Variants in PRKG1 observed in about 807,000 individuals in gnomAD.
PRKG1 encodes the protein protein kinase cGMP-dependent 1, also known as cGMP-dependent protein kinase 1.
PRKG1 carries 35 observed loss-of-function variants against 88.1 expected under a neutral mutation model. The ratio of observed to expected loss-of-function variants is 0.40; its 90% CI spans 0.30 to 0.53. PRKG1 has a LOEUF of 0.53. Among genes scored for constraint, PRKG1 ranks in the 20% least tolerant of loss-of-function variants. The pLI is 0.59. For missense variants in PRKG1, 540 were observed against 839.8 expected, an observed-to-expected ratio of 0.64 and a Z score of 4.41; for synonymous variants, 303 against 292.5, an observed-to-expected ratio of 1.04 and a Z score of -0.37.
At chr10:51,932,123 C>T (rs892099058) in intron 5 of PRKG1, among the ~76,000 whole-genome samples, 1 of 151,016 alleles carries the variant, frequency 6.6e-6, no homozygotes, top group African/African-American at 2.4e-5. Context: ...AAATATTCTG[C>T]TTTATTCCTT....
chr10:51,512,745 T>C (rs1414947725), intron 3 of PRKG1, among the ~76,000 whole-genome samples: 8 of 58,322 alleles, frequency 1.4e-4, no homozygotes, highest in Non-Finnish European at 2.0e-4. Flanking sequence ...GTATTTCTAG[T>C]TCTAGATCCC....
chr10:51,087,429 A>G (rs1051132936), intron 1 of PRKG1, among the ~76,000 whole-genome samples: 5 of 152,202 alleles, frequency 3.3e-5, no homozygotes, highest in African/African-American at 9.6e-5. Context: ...CCAGTTTTTC[A>G]TATGGAGAAA....
intron 3 of PRKG1, among the ~76,000 whole-genome samples, chr10:51,687,476 T>C (rs779786819): frequency 5.9e-5 from 9 of 152,222 alleles, no homozygotes; most frequent in Non-Finnish European, 1.2e-4. Context: ...AAATTTCTTC[T>C]AGAAATCTTG....
chr10:51,120,237 G>T (rs758840308), intron 1 of PRKG1, among the ~76,000 whole-genome samples: 17 of 152,116 alleles, frequency 1.1e-4, no homozygotes, highest in Non-Finnish European at 2.2e-4. Context: ...CAATTTTAAT[G>T]GAGAAAATTA....
intron 3 of PRKG1, among the ~76,000 whole-genome samples, chr10:51,740,346 G>A (rs1395419826): frequency 6.6e-6 from 1 of 152,156 alleles, no homozygotes; most frequent in Admixed American, 6.6e-5. Flanking sequence ...AGCTTTTAAT[G>A]TGGGTTATAG....
At chr10:51,251,224 G>T (rs983484052) in intron 2 of PRKG1, among the ~76,000 whole-genome samples, 4 of 151,638 alleles carry the variant, frequency 2.6e-5, no homozygotes, top group African/African-American at 7.3e-5. Flanking sequence ...GGCAGACCAG[G>T]CACCTGTTTC....
intron 3 of PRKG1, among the ~76,000 whole-genome samples, chr10:51,675,124 T>C (rs1248548372): frequency 6.6e-6 from 1 of 152,212 alleles, no homozygotes; most frequent in Non-Finnish European, 1.5e-5. Context: ...GGTTACTTTA[T>C]AGCTGTAATC....
At chr10:51,411,422 TAAAAG>T (rs1279204160) in intron 2 of PRKG1, among the ~76,000 whole-genome samples, 4 of 152,196 alleles carry the variant, frequency 2.6e-5, no homozygotes, top group Non-Finnish European at 5.9e-5. Context: ...TACAGGAAGT[TAAAAG>T]AAAAGTTACA....
At chr10:51,454,921 C>T (rs1332436212) in intron 2 of PRKG1, among the ~76,000 whole-genome samples, 1 of 152,202 alleles carries the variant, frequency 6.6e-6, no homozygotes, top group Non-Finnish European at 1.5e-5. Flanking sequence ...ATTTCAAAAC[C>T]AGTCATGCCT....
chr10:51,737,705 T>TTTTATTTA (rs1009213697), intron 3 of PRKG1, among the ~76,000 whole-genome samples: 17 of 144,888 alleles, frequency 1.2e-4, no homozygotes, highest in South Asian at 8.9e-4. Context: ...GACTCTATAT[T>TTTTATTTA]TTTATTTATT....
At chr10:51,265,320 G>C (rs1205309766) in intron 2 of PRKG1, among the ~76,000 whole-genome samples, 1 of 152,094 alleles carries the variant, frequency 6.6e-6, no homozygotes, top group Non-Finnish European at 1.5e-5. Context: ...GCCAGATAAA[G>C]GGTTGGATGC....
chr10:51,892,488 C>T (rs2132910295), intron 4 of PRKG1, among the ~76,000 whole-genome samples: 1 of 152,204 alleles, frequency 6.6e-6, no homozygotes, highest in South Asian at 2.1e-4. Flanking sequence ...AGATGGCTTC[C>T]CATCATAGGA....
chr10:51,362,405 C>CT lies in PRKG1; in HGVS notation c.479-105309dup, dbSNP rs542332844. Among the ~76,000 whole-genome samples the CT allele has an allele frequency of 4.5e-3, 672 of 150,350 alleles. 23 individuals are homozygous for CT. The highest frequency in any genetic ancestry group is 0.037 in the Admixed American group (554 of 15,080). ...CTTTTTAAACTTTTATGTGAGTCTT[C>CT]TTTTTTTTTGGATAGTAAATGTAAA... On this transcript the variant is annotated intron_variant, in intron 2 of 17. Transcript: ENST00000373980.
chr10:51,098,048 C>T (rs1486776743), intron 1 of PRKG1, among the ~76,000 whole-genome samples: 6 of 152,106 alleles, frequency 3.9e-5, no homozygotes, highest in African/African-American at 1.4e-4. Context: ...CCCCTTAGCT[C>T]CTATGTGAGC....
chr10:51,658,573 G>A (rs1321884564), intron 3 of PRKG1, among the ~76,000 whole-genome samples: 1 of 148,432 alleles, frequency 6.7e-6, no homozygotes, highest in African/African-American at 2.5e-5. Context: ...CTGATGCTGT[G>A]AGGGAAAAAA....
intron 7 of PRKG1, among the ~76,000 whole-genome samples, chr10:52,131,255 C>T (rs1269698967): frequency 6.6e-6 from 1 of 152,128 alleles, no homozygotes; most frequent in Non-Finnish European, 1.5e-5. Context: ...TCCCGGCCCT[C>T]ATAGGGTTTA....
chr10:51,790,597 TC>T (rs1838844888), intron 3 of PRKG1, among the ~76,000 whole-genome samples: 1 of 152,132 alleles, frequency 6.6e-6, no homozygotes, highest in Non-Finnish European at 1.5e-5. Context: ...TTCTTTTGAA[TC>T]CCCTAGAGTC....
intron 1 of PRKG1, among the ~76,000 whole-genome samples, chr10:51,007,349 C>T (rs1842951938): frequency 6.6e-6 from 1 of 152,208 alleles, no homozygotes; most frequent in African/African-American, 2.4e-5. Context: ...TCTCCAGTTT[C>T]TTCCTCCTTT....
intron 4 of PRKG1, among the ~76,000 whole-genome samples, chr10:51,845,077 G>A (rs760980154): frequency 2.0e-5 from 3 of 152,082 alleles, no homozygotes; most frequent in Non-Finnish European, 4.4e-5. Context: ...TGTCTGGTTG[G>A]CCAGCTACCT....
Sources: gnomAD v4.1 joint callset for allele counts (sites outside exome capture counted in the v4.1 genomes callset) on GRCh38, gnomAD v4.1.1 for gene constraint, MANE v1.5 for transcripts, NCBI Gene and HGNC (gene_info 2026-07-23, HGNC 2026-07-21) for gene names.